The following ICOS variants were observed in gnomAD, a reference collection of about 807,000 sequenced individuals.
The protein encoded by ICOS is inducible T-cell costimulator.
ICOS carries 15 observed loss-of-function variants against 24.6 expected under a neutral mutation model. The observed-to-expected ratio is 0.61, with a 90% confidence interval of 0.41 to 0.94. The LOEUF (loss-of-function observed/expected upper bound fraction) is 0.94. Ranked by LOEUF, ICOS falls within the 40% of genes least tolerant of loss-of-function variation. The pLI, the probability that ICOS is intolerant of heterozygous loss-of-function variation, is 0.00. For missense variants in ICOS, 200 were observed against 233.0 expected (o/e 0.86, Z 0.92); for synonymous variants, 89 against 77.5 (o/e 1.15, Z -0.78).
chr2:203,956,781 C>A lies in ICOS; in HGVS notation c.501+16C>A. On this transcript the variant is annotated intron_variant, in intron 3 of 4. Coordinates refer to ENST00000316386, the MANE Select transcript of ICOS (RefSeq NM_012092.4). ...TACAAAAAAGGTAAGCGATTTCTAT[C>A]TTTCCTTGTATCTGCTTTACAGATG... 6.7e-7 allele frequency: 1 copy of A among 1,498,970 alleles called. No individual in the cohort carries two copies. The allele number at this position is 1,498,970 out of a possible 1,614,324, so 92.9% of individuals were successfully genotyped here. A position where few individuals can be genotyped will look rare whatever the true frequency, so the allele number is the denominator to read the frequency against.
intron 1 of ICOS, among the ~76,000 whole-genome samples, chr2:203,951,884 A>G (rs1362369994): frequency 6.6e-6 from 1 of 152,104 alleles, no homozygotes; most frequent in Non-Finnish European, 1.5e-5. Flanking sequence ...CAAGCAAAAT[A>G]CCCTACGTTT....
At chr2:203,953,906 A>G (rs1390307048) in intron 1 of ICOS, among the ~76,000 whole-genome samples, 1 of 152,196 alleles carries the variant, frequency 6.6e-6, no homozygotes, top group African/African-American at 2.4e-5. Flanking sequence ...TGTTTGCTAT[A>G]AATAATAAGT....
chr2:203,939,001 C>T (rs917234060), intron 1 of ICOS, among the ~76,000 whole-genome samples: 4 of 152,200 alleles, frequency 2.6e-5, no homozygotes, highest in South Asian at 2.1e-4. Flanking sequence ...GAGCCAAACT[C>T]AAGTAAACTA....
intron 1 of ICOS, among the ~76,000 whole-genome samples, chr2:203,948,722 C>T (rs900091658): frequency 3.6e-4 from 55 of 152,238 alleles, no homozygotes; most frequent in African/African-American, 1.2e-3. Flanking sequence ...TAGATAATGA[C>T]CTGGATATAT....
intron 1 of ICOS, among the ~76,000 whole-genome samples, chr2:203,939,259 G>A (rs572653387): frequency 2.6e-5 from 4 of 152,220 alleles, no homozygotes; most frequent in South Asian, 2.1e-4. Flanking sequence ...CTAAAGGAAC[G>A]TAAATCTCAA....
At chr2:203,945,239 G>T (rs1689847439) in intron 1 of ICOS, among the ~76,000 whole-genome samples, 2 of 152,082 alleles carry the variant, frequency 1.3e-5, no homozygotes, top group South Asian at 4.1e-4. Flanking sequence ...GATAAGGGAA[G>T]ACATGAAAAA....
chr2:203,953,986 T>G (rs1237735560), intron 1 of ICOS, among the ~76,000 whole-genome samples: 1 of 152,170 alleles, frequency 6.6e-6, no homozygotes, highest in East Asian at 1.9e-4. Context: ...CTAGGTAATT[T>G]TTTTCCTTAA....
At chr2:203,942,201 C>G (rs1481276474) in intron 1 of ICOS, among the ~76,000 whole-genome samples, 1 of 152,156 alleles carries the variant, frequency 6.6e-6, no homozygotes, top group African/African-American at 2.4e-5. Context: ...TCTTCTAGGA[C>G]TTTGCAACAA....
chr2:203,947,377 C>T (rs992095537), intron 1 of ICOS, among the ~76,000 whole-genome samples: 8 of 152,002 alleles, frequency 5.3e-5, no homozygotes, highest in African/African-American at 7.3e-5. Context: ...GGTGCAATCT[C>T]GGCTCACTGC....
At chr2:203,952,655 T>C (rs556102879) in intron 1 of ICOS, among the ~76,000 whole-genome samples, 10 of 152,312 alleles carry the variant, frequency 6.6e-5, no homozygotes, top group African/African-American at 2.4e-4. Flanking sequence ...TAAACTTATC[T>C]ATTGAGTTTT....
At chr2:203,957,382 C>CT (rs1295653066) in intron 3 of ICOS, among the ~76,000 whole-genome samples, 4 of 152,158 alleles carry the variant, frequency 2.6e-5, no homozygotes, top group Non-Finnish European at 4.4e-5. Context: ...GGGGGATATT[C>CT]TTTTTGGTCT....
chr2:203,945,534 A>G lies in ICOS; in HGVS notation c.58+8662A>G, dbSNP rs544970059. ...GAACATCATCGAGCGTACTGACGCAATGATGTCTACTAGATGGCAGAGCCT... is the reference window on the plus strand; with the variant it reads ...GAACATCATCGAGCGTACTGACGCAGTGATGTCTACTAGATGGCAGAGCCT... On this transcript the variant is annotated intron_variant, in intron 1 of 4. Coordinates refer to ENST00000316386, the MANE Select transcript of ICOS (RefSeq NM_012092.4). Among the ~76,000 whole-genome samples the G allele has an allele frequency of 3.3e-5, 5 of 152,314 alleles. No individual in the cohort carries two copies. The South Asian group carries it at 1.0e-3, about 32-fold the overall frequency.
intron 1 of ICOS, among the ~76,000 whole-genome samples, chr2:203,948,570 C>T (rs763917234): frequency 2.6e-4 from 40 of 152,244 alleles, no homozygotes; most frequent in Admixed American, 2.0e-4. Context: ...ATTGTAGATA[C>T]TTGGGATGGA....
intron 1 of ICOS, among the ~76,000 whole-genome samples, chr2:203,943,515 T>C (rs1689814433): frequency 1.3e-5 from 2 of 152,196 alleles, no homozygotes; most frequent in Admixed American, 6.5e-5. Context: ...GAACCATCTA[T>C]GGGTCTCTCA....
intron 4 of ICOS, among the ~76,000 whole-genome samples, chr2:203,958,305 A>G (rs1345036386): frequency 6.6e-6 from 1 of 152,186 alleles, no homozygotes; most frequent in Non-Finnish European, 1.5e-5. Context: ...CTAATTTTGG[A>G]CTGAGATTAG....
chr2:203,955,595 T>C, intron 1 of ICOS, 41 bp from the exon 2 acceptor site: 4 of 1,500,200 alleles, frequency 2.7e-6, no homozygotes, highest in Non-Finnish European at 2.8e-6. Context: ...GGCAACATTA[T>C]AAAATGTCAC....
intron 1 of ICOS, among the ~76,000 whole-genome samples, chr2:203,944,762 A>T (rs891952185): frequency 2.6e-5 from 4 of 152,234 alleles, no homozygotes; most frequent in African/African-American, 7.2e-5. Flanking sequence ...CTATGTGCTA[A>T]AATATACTGG....
At chr2:203,957,697 G>GT in intron 3 of ICOS, 102 bp from the exon 4 acceptor site, 2 of 860,236 alleles carry the variant, frequency 2.3e-6, no homozygotes, top group Non-Finnish European at 4.0e-6. Flanking sequence ...ACATTATCAT[G>GT]TTTTTGTCAC....
chr2:203,953,059 GT>G (rs1358110492), intron 1 of ICOS, among the ~76,000 whole-genome samples: 1 of 152,078 alleles, frequency 6.6e-6, no homozygotes, highest in Non-Finnish European at 1.5e-5. Context: ...AAGGATTGAG[GT>G]TTTCTAACCA....
Sources: gnomAD v4.1 joint callset for allele counts (sites outside exome capture counted in the v4.1 genomes callset) on GRCh38, gnomAD v4.1.1 for gene constraint, MANE v1.5 for transcripts, NCBI Gene and HGNC (gene_info 2026-07-23, HGNC 2026-07-21) for gene names.